Variants in ITPA observed in about 807,000 individuals in gnomAD.
ITPA encodes inosine triphosphate pyrophosphatase.
Under a neutral mutation model 29.6 loss-of-function variants are expected in ITPA, and 29 were observed. The ratio of observed to expected loss-of-function variants is 0.98; its 90% CI spans 0.73 to 1.34. The LOEUF (loss-of-function observed/expected upper bound fraction) is 1.34. ITPA is among the 40% of genes most tolerant of loss of function. The pLI is 0.00. For missense variants in ITPA, 241 were observed against 251.5 expected, an observed-to-expected ratio of 0.96 and a Z score of 0.28; for synonymous variants, 103 against 99.3, an observed-to-expected ratio of 1.04 and a Z score of -0.22.
chr20:3,220,951 C>T (rs2067448056), intron 6 of ITPA, among the ~76,000 whole-genome samples: 1 of 152,024 alleles, frequency 6.6e-6, no homozygotes, highest in Non-Finnish European at 1.5e-5. Context: ...TGTCTGTCGC[C>T]CGGACTGGAT....
At chr20:3,207,422 C>T (rs181267918), upstream of ITPA, among the ~76,000 whole-genome samples, 27 of 152,022 alleles carry the variant, frequency 1.8e-4, no homozygotes, top group Admixed American at 1.6e-3. Context: ...GGCTGGGCAC[C>T]GTGGCTCAAG....
upstream of ITPA, among the ~76,000 whole-genome samples, chr20:3,207,719 A>AC: frequency 6.7e-6 from 1 of 150,006 alleles, no homozygotes; most frequent in East Asian, 2.0e-4. Context: ...AACAACAACA[A>AC]AACACAGTGG....
At chr20:3,222,035 T>C in intron 7 of ITPA, 118 bp downstream of exon 7, 1 of 991,220 alleles carries the variant, frequency 1.0e-6, no homozygotes, top group Non-Finnish European at 1.6e-6. Context: ...GCTCCCAGGG[T>C]GCTGTTCCAG....
chr20:3,225,769 C>T (rs2067547912), downstream of ITPA, among the ~76,000 whole-genome samples: 1 of 152,236 alleles, frequency 6.6e-6, no homozygotes, highest in African/African-American at 2.4e-5. Context: ...TGGCTCATGC[C>T]TGTAATCCCA....
upstream of ITPA, among the ~76,000 whole-genome samples, chr20:3,208,437 A>G (rs765365750): frequency 6.6e-6 from 1 of 152,120 alleles, no homozygotes; most frequent in Admixed American, 6.5e-5. Context: ...GTCCGATGGC[A>G]CGATCTCCGC....
chr20:3,209,537 T>C lies in ITPA; in HGVS notation c.-15T>C. 4 of 1,613,552 alleles carry C rather than the reference T, an allele frequency of 2.5e-6. No individual in the cohort carries two copies. The highest frequency in any genetic ancestry group is 3.4e-6 in the Non-Finnish European group (4 of 1,179,574). On this transcript the variant is annotated 5_prime_UTR_variant, in exon 1 of 8. Coordinates refer to ENST00000380113, the MANE Select transcript of ITPA (RefSeq NM_033453.4). This position sits in a 1 kb window ranked among gnomAD's most constrained non-coding sequence, Gnocchi z 4.6. ...AGGAGTTTTCGGTGGCTCAGCTGGGTAACCGGGGATCACCATGGCGGCCTC... is the reference window on the plus strand; with the variant it reads ...AGGAGTTTTCGGTGGCTCAGCTGGGCAACCGGGGATCACCATGGCGGCCTC...
upstream of ITPA, among the ~76,000 whole-genome samples, chr20:3,206,703 C>G (rs1161170134): frequency 6.7e-6 from 1 of 149,302 alleles, no homozygotes; most frequent in Non-Finnish European, 1.5e-5. Context: ...TGGTGGTGGG[C>G]GCCTGTAGTC....
intron 5 of ITPA, 105 bp downstream of exon 5, chr20:3,215,417 C>A: frequency 3.0e-6 from 3 of 1,016,418 alleles, no homozygotes; most frequent in East Asian, 2.4e-5. Context: ...GGTTCTAGCC[C>A]CCACCATGGA....
rs1432837714 is a variant in ITPA, at chr20:3,209,567, G to C, written c.16G>C (p.Val6Leu). The C allele has an allele frequency of 6.2e-7, 1 of 1,614,182 alleles. No homozygotes were observed. The highest frequency in any genetic ancestry group is 1.1e-5 in the South Asian group (1 of 91,074). The change falls in exon 1 of 8, where the codon GTG (valine) becomes CTG (leucine). Residue 6 changes from valine to leucine, a missense_variant. Coordinates refer to ENST00000380113, the MANE Select transcript of ITPA (RefSeq NM_033453.4). This position sits in a 1 kb window ranked among gnomAD's most constrained non-coding sequence, Gnocchi z 4.6. ...GGGGATCACCATGGCGGCCTCATTG[G>C]TGGGGAAGAAGATCGTGTTTGTAAC... is the stretch of plus-strand genomic sequence containing the variant. MAASL[V>L]GKKIVFVTGN...
rs2067218816 is a variant in ITPA at position 3,213,380 on chromosome 20, C to T, written c.186C>T (p.Arg62=). The T allele has an allele frequency of 1.2e-6, 2 of 1,613,896 alleles. No homozygotes were observed. The highest frequency in any genetic ancestry group is 1.3e-5 in the African/African-American group (1 of 75,030). ...TACAGAAATGTCAGGAGGCAGTTCG[C>T]CAGGTGCTTGCCCTGCCCTTGTCCC... ...ISIQKCQEAV[R]QVQGPVLVED... Residue 62 remains arginine, a synonymous_variant, in exon 3 of 8, where the codon CGC becomes CGT. Transcript: ENST00000380113.
chr20:3,223,979 G>A (rs2067531709), downstream of ITPA: 1 of 178,740 alleles, frequency 5.6e-6, no homozygotes, highest in African/African-American at 2.4e-5. Flanking sequence ...ATGCCACTGT[G>A]AGCTGGAGTG....
chr20:3,213,911 G>T lies in ITPA; in HGVS notation c.190-74G>T. 2.0e-6 allele frequency: 3 copies of T among 1,493,570 alleles called. No homozygotes were observed. The South Asian group carries it at 3.4e-5, about 17-fold the overall frequency. 92.5% of individuals were successfully genotyped at this position (1,493,570 alleles called of 1,614,324 possible). A position where few individuals can be genotyped will look rare whatever the true frequency, so the allele number is the denominator to read the frequency against. The stretch of plus-strand genomic sequence containing the variant: ...GCTGAGGGCTGGCCCCAGCCTGGGT[G>T]ACGCGGGTGACCTGGACGTTCCAGG... On this transcript the variant is annotated intron_variant, in intron 3 of 7. Coordinates refer to ENST00000380113, the MANE Select transcript of ITPA (RefSeq NM_033453.4).
chr20:3,213,801 G>A (rs1380706843), intron 3 of ITPA, among the ~76,000 whole-genome samples, 184 bp from the exon 4 acceptor site: 1 of 152,214 alleles, frequency 6.6e-6, no homozygotes, highest in African/African-American at 2.4e-5. Flanking sequence ...AAAGCTTGGT[G>A]TCCTCATAAG....
chr20:3,206,521 AC>A (rs2067071343), upstream of ITPA, among the ~76,000 whole-genome samples: 1 of 151,836 alleles, frequency 6.6e-6, no homozygotes, highest in South Asian at 2.1e-4. Flanking sequence ...ACATGGAGAA[AC>A]CCCATCTCTA....
upstream of ITPA, among the ~76,000 whole-genome samples, chr20:3,205,949 G>C (rs1222357155): frequency 2.0e-5 from 3 of 151,666 alleles, no homozygotes; most frequent in Non-Finnish European, 2.9e-5. Context: ...CCAGCTACTC[G>C]GGAGGCTGAG....
upstream of ITPA, among the ~76,000 whole-genome samples, chr20:3,205,876 G>T (rs2067066476): frequency 6.6e-6 from 1 of 151,862 alleles, no homozygotes; most frequent in Admixed American, 6.6e-5. Flanking sequence ...CTGACGTGAT[G>T]AAATCCTGTC....
At chr20:3,222,381 T>C (rs1374805122) in intron 7 of ITPA, among the ~76,000 whole-genome samples, 5 of 152,174 alleles carry the variant, frequency 3.3e-5, no homozygotes, top group Non-Finnish European at 7.3e-5. Context: ...CAGCTAATTT[T>C]TGTTATTTTT....
At chr20:3,214,563 T>G (rs1056772654) in intron 4 of ITPA, among the ~76,000 whole-genome samples, 8 of 150,956 alleles carry the variant, frequency 5.3e-5, no homozygotes, top group Non-Finnish European at 1.2e-4. Context: ...TATTTTTAAT[T>G]TTTTAATTAT....
At chr20:3,215,949 G>C (rs535960367) in intron 5 of ITPA, among the ~76,000 whole-genome samples, 1 of 152,198 alleles carries the variant, frequency 6.6e-6, no homozygotes, top group African/African-American at 2.4e-5. Context: ...GCCTCCCAGA[G>C]TGCTGGGATT....
Sources: allele counts gnomAD v4.1 joint callset (sites outside exome capture counted in the v4.1 genomes callset), GRCh38; gene constraint gnomAD v4.1.1; non-coding constraint Gnocchi (gnomAD v3.1); transcripts MANE v1.5; gene names NCBI Gene and HGNC (gene_info 2026-07-23, HGNC 2026-07-21).